FRMPD3: variants seen among roughly 807,000 people sequenced by gnomAD.
The protein encoded by FRMPD3 is FERM and PDZ domain containing 3.
In FRMPD3, 42 loss-of-function variants were observed where a neutral mutation model predicts 97.9. That is an observed-to-expected ratio of 0.43 (90% CI 0.34 to 0.55). The LOEUF (loss-of-function observed/expected upper bound fraction) is 0.55. Among genes scored for constraint, FRMPD3 ranks in the 20% least tolerant of loss-of-function variants. FRMPD3 has a pLI of 0.03. For synonymous variants in FRMPD3, 577 were observed against 581.1 expected, an observed-to-expected ratio of 0.99 and a Z score of 0.10; for missense variants, 1,303 against 1,457.7, an observed-to-expected ratio of 0.89 and a Z score of 1.73.
chrX:107,510,534 CAG>C (rs764096357), intron 1 of FRMPD3, among the ~76,000 whole-genome samples: 246 of 111,935 alleles, frequency 2.2e-3, no homozygotes, highest in African/African-American at 7.7e-3. Context: ...GGGGGAGGTA[CAG>C]AGTGTTTTGG....
At chrX:107,564,799 C>A in intron 11 of FRMPD3, 88 bp from the exon 12 acceptor site, 1 of 967,665 alleles carries the variant, frequency 1.0e-6, no homozygotes, top group Non-Finnish European at 1.5e-6. Context: ...GAGTCCAATG[C>A]ATGTTTTCTA....
At chrX:107,553,038 T>C in intron 7 of FRMPD3, 112 bp downstream of exon 7, 1 of 816,001 alleles carries the variant, frequency 1.2e-6, no homozygotes, top group Non-Finnish European at 1.7e-6. Flanking sequence ...TTCCCAGAAG[T>C]CACAGTTCTC....
intron 13 of FRMPD3, among the ~76,000 whole-genome samples, chrX:107,593,829 C>A (rs1378216385): frequency 9.0e-6 from 1 of 111,623 alleles, no homozygotes; most frequent in Non-Finnish European, 1.9e-5. Flanking sequence ...CAGATTTGTT[C>A]TTTTGCTTAG....
chrX:107,542,104 T>C (rs933760674), intron 4 of FRMPD3, among the ~76,000 whole-genome samples: 1 of 112,485 alleles, frequency 8.9e-6, no homozygotes, highest in Non-Finnish European at 1.9e-5. Flanking sequence ...TTTGGATGAC[T>C]GTGGAGATGG....
rs59276897 is a variant in FRMPD3 at position 107,557,797 on chromosome X, C to CTATATATATATA, written c.763-2427_763-2416dup. 6.3e-4 allele frequency among the ~76,000 whole-genome samples: 19 copies of CTATATATATATA among 30,022 alleles called. No individual in the cohort carries two copies. In the South Asian group the frequency reaches 0.013, roughly 21 times the overall value. 26.1% of individuals were successfully genotyped at this position (30,022 alleles called of 115,157 possible). A position where few individuals can be genotyped will look rare whatever the true frequency, so the allele number is the denominator to read the frequency against. On this transcript the variant is annotated intron_variant, in intron 8 of 14. Transcript: ENST00000683843. ...TGTACTTTTGTTAAAAATCTGTTGT[C>CTATATATATATA]TATATATATATATATATATATATAT...
chrX:107,587,851 T>C (rs756174553), intron 13 of FRMPD3, among the ~76,000 whole-genome samples: 2 of 110,541 alleles, frequency 1.8e-5, no homozygotes, highest in Non-Finnish European at 3.8e-5. Flanking sequence ...CTTGGCTCAC[T>C]GCTACCTCTG....
chrX:107,522,223 T>C (rs1402137768), intron 1 of FRMPD3, among the ~76,000 whole-genome samples: 1 of 111,783 alleles, frequency 8.9e-6, no homozygotes, highest in Admixed American at 9.5e-5. Flanking sequence ...GCTCCCCTTC[T>C]CTGCTCCTCC....
Position 107,526,548 on chromosome X carries a change from A to G in FRMPD3, c.-7-34A>G, listed in dbSNP as rs760557280. 9 of 1,164,651 alleles carry G rather than the reference A, an allele frequency of 7.7e-6. No homozygotes were observed. In the South Asian group the frequency reaches 1.6e-4, roughly 20 times the overall value. ...GGTTCTGAGGCTTAGTTCCCTGTGC[A>G]TCTTGTTTTGCTCCCACCTTCCCTT... On this transcript the variant is annotated intron_variant, in intron 1 of 14. Coordinates refer to ENST00000683843, the MANE Select transcript of FRMPD3 (RefSeq NM_001388459.1).
intron 12 of FRMPD3, 136 bp from the exon 13 acceptor site, chrX:107,576,179 T>C: frequency 1.7e-6 from 1 of 582,549 alleles, no homozygotes; most frequent in Non-Finnish European, 2.7e-6. Flanking sequence ...TGTCAAGCCA[T>C]GTGCCTCAAT....
Position 107,502,273 on chromosome X carries a change from G to A in FRMPD3, c.-7-24309G>A, listed in dbSNP as rs1223449919. Reference sequence around the variant, plus strand: ...TGAGGGGGATTTTCAGTGCTAGGGAGGCTTGCTCCGGCTACGAGCAGAAAG... The same window carrying A: ...TGAGGGGGATTTTCAGTGCTAGGGAAGCTTGCTCCGGCTACGAGCAGAAAG... On this transcript the variant is annotated intron_variant, in intron 1 of 14. Coordinates refer to ENST00000683843, the MANE Select transcript of FRMPD3 (RefSeq NM_001388459.1). 2.7e-5 allele frequency among the ~76,000 whole-genome samples: 3 copies of A among 110,763 alleles called. No homozygotes were observed. The South Asian group carries it at 1.2e-3, about 44-fold the overall frequency.
intron 1 of FRMPD3, among the ~76,000 whole-genome samples, chrX:107,457,879 C>G (rs905359890): frequency 9.8e-5 from 11 of 111,812 alleles, no homozygotes; most frequent in African/African-American, 3.2e-4. Context: ...TCTGCTCCCC[C>G]CTCCCTGCTC....
chrX:107,512,632 T>G, intron 1 of FRMPD3, among the ~76,000 whole-genome samples: 1 of 111,571 alleles, frequency 9.0e-6, no homozygotes, highest in Admixed American at 9.5e-5. Context: ...TCTCCCGTTC[T>G]GGCTCAGTCA....
intron 14 of FRMPD3, 124 bp from the exon 15 acceptor site, chrX:107,600,179 G>A (rs181618116): frequency 1.6e-4 from 141 of 895,569 alleles, no homozygotes; most frequent in Non-Finnish European, 1.6e-4. Context: ...TTGAGCATCT[G>A]CAAGTTTTGG....
chrX:107,541,050 A>G (rs1921270613), intron 4 of FRMPD3, among the ~76,000 whole-genome samples: 1 of 113,273 alleles, frequency 8.8e-6, no homozygotes, highest in Non-Finnish European at 1.9e-5. Context: ...ACATAAATGA[A>G]GATCACGGCT....
intron 4 of FRMPD3, among the ~76,000 whole-genome samples, chrX:107,542,676 G>A (rs182693125): frequency 2.7e-5 from 3 of 112,523 alleles, no homozygotes; most frequent in East Asian, 2.8e-4. Flanking sequence ...CAATGAGGAC[G>A]TTTGTTTCTG....
intron 1 of FRMPD3, among the ~76,000 whole-genome samples, chrX:107,478,994 C>G (rs953993042): frequency 7.1e-5 from 8 of 112,235 alleles, no homozygotes; most frequent in Non-Finnish European, 1.3e-4. Flanking sequence ...GAACCAATGA[C>G]CAAGTTGGCT....
chrX:107,467,693 T>A (rs1037442130), intron 1 of FRMPD3, among the ~76,000 whole-genome samples: 1 of 110,021 alleles, frequency 9.1e-6, no homozygotes, highest in Admixed American at 9.7e-5. Context: ...ATGTGAAGAG[T>A]CTAGGCCTCT....
chrX:107,501,517 C>A (rs62603000), intron 1 of FRMPD3, among the ~76,000 whole-genome samples: 119 of 252 alleles, frequency 0.47, 1 homozygote, highest in Admixed American at 0.54. Flanking sequence ...TACAGGCGCC[C>A]GCCACCGCGC....
intron 1 of FRMPD3, among the ~76,000 whole-genome samples, chrX:107,496,029 G>A (rs1033716489): frequency 4.5e-5 from 5 of 111,499 alleles, no homozygotes; most frequent in African/African-American, 1.6e-4. Flanking sequence ...CAGTGTCCTT[G>A]TCTGCAAAAG....
Sources: allele counts gnomAD v4.1 joint callset (sites outside exome capture counted in the v4.1 genomes callset), GRCh38; gene constraint gnomAD v4.1.1; transcripts MANE v1.5; gene names NCBI Gene and HGNC (gene_info 2026-07-23, HGNC 2026-07-21).